PTPRM: variants seen among roughly 807,000 people sequenced by gnomAD.
The protein encoded by PTPRM is protein tyrosine phosphatase receptor type M.
A neutral mutation model predicts 186.7 loss-of-function variants in PTPRM; 47 were observed. The observed-to-expected ratio is 0.25, with a 90% CI of 0.20 to 0.32. The LOEUF (loss-of-function observed/expected upper bound fraction) is 0.32, where lower values mean the gene tolerates loss of function less well. Among genes scored for constraint, PTPRM ranks in the 10% least tolerant of loss-of-function variants. The pLI, the probability that PTPRM is intolerant of heterozygous loss-of-function variation, is 1.00. For synonymous variants in PTPRM, 668 were observed against 674.9 expected, an observed-to-expected ratio of 0.99 and a Z score of 0.16; for missense variants, 1,494 against 1,865.0, an observed-to-expected ratio of 0.80 and a Z score of 3.66.
intron 2 of PTPRM, among the ~76,000 whole-genome samples, chr18:7,813,058 C>A (rs1282243997): frequency 6.6e-6 from 1 of 152,260 alleles, no homozygotes; most frequent in African/African-American, 2.4e-5. Flanking sequence ...CTGTGACTTA[C>A]CTGTGTGCAG....
chr18:8,184,474 G>A (rs144967571), intron 14 of PTPRM, among the ~76,000 whole-genome samples: 1 of 152,292 alleles, frequency 6.6e-6, no homozygotes, highest in East Asian at 1.9e-4. Context: ...TGAGATGAGT[G>A]AGGTTGCACA....
intron 21 of PTPRM, among the ~76,000 whole-genome samples, chr18:8,316,007 C>G (rs2095306629): frequency 6.6e-6 from 1 of 152,176 alleles, no homozygotes; most frequent in Non-Finnish European, 1.5e-5. Context: ...TGCACTTACT[C>G]TTTTAATCAG....
At chr18:8,378,089 A>C (rs2095708104) in intron 26 of PTPRM, 176 bp from the exon 27 acceptor site, 3 of 604,382 alleles carry the variant, frequency 5.0e-6, no homozygotes, top group Admixed American at 6.1e-5. Context: ...GGTTTTAATC[A>C]ATCTGTGTAA....
At chr18:8,186,735 G>T (rs1303729909) in intron 14 of PTPRM, among the ~76,000 whole-genome samples, 1 of 152,176 alleles carries the variant, frequency 6.6e-6, no homozygotes, top group Non-Finnish European at 1.5e-5. Context: ...AGGTGACATG[G>T]GGGAAACTGA....
At chr18:7,922,249 C>T (rs2050909718) in intron 4 of PTPRM, among the ~76,000 whole-genome samples, 1 of 152,188 alleles carries the variant, frequency 6.6e-6, no homozygotes. Context: ...AACAATTCTC[C>T]TACAGTGAGG....
chr18:7,716,112 A>G (rs918455984), intron 1 of PTPRM, among the ~76,000 whole-genome samples: 14 of 152,206 alleles, frequency 9.2e-5, no homozygotes, highest in African/African-American at 3.4e-4. Context: ...TTCAAACTAT[A>G]CTACAAGTCT....
At chr18:7,649,326 G>A (rs1447139528) in intron 1 of PTPRM, among the ~76,000 whole-genome samples, 1 of 152,142 alleles carries the variant, frequency 6.6e-6, no homozygotes, top group African/African-American at 2.4e-5. Context: ...TGCTAACACA[G>A]CATCCATTTT....
At chr18:7,678,665 T>C (rs190102553) in intron 1 of PTPRM, among the ~76,000 whole-genome samples, 75 of 152,332 alleles carry the variant, frequency 4.9e-4, no homozygotes, top group African/African-American at 1.8e-3. Context: ...GAAATGGTAT[T>C]ATGTCATACC....
At chr18:8,334,482 C>T (rs1487654687) in intron 22 of PTPRM, among the ~76,000 whole-genome samples, 3 of 152,308 alleles carry the variant, frequency 2.0e-5, no homozygotes. Context: ...CTTCCTGCCC[C>T]CAGGCTCTCC....
intron 5 of PTPRM, among the ~76,000 whole-genome samples, chr18:7,927,823 C>T (rs2051262918): frequency 6.6e-6 from 1 of 152,192 alleles, no homozygotes; most frequent in African/African-American, 2.4e-5. Context: ...TACCATCTCA[C>T]TCAACCTCCT....
intron 2 of PTPRM, among the ~76,000 whole-genome samples, chr18:7,784,369 G>A (rs1159527252): frequency 1.3e-5 from 2 of 152,060 alleles, no homozygotes; most frequent in African/African-American, 4.8e-5. Context: ...CTCCAAGTAT[G>A]TCGCTCTCTG....
chr18:8,318,262 T>C (rs1205372374), intron 21 of PTPRM, among the ~76,000 whole-genome samples: 1 of 150,850 alleles, frequency 6.6e-6, no homozygotes, highest in African/African-American at 2.4e-5. Flanking sequence ...CAGATACTTA[T>C]CCTACAATTT....
intron 19 of PTPRM, among the ~76,000 whole-genome samples, chr18:8,275,468 G>T (rs368539694): frequency 5.3e-5 from 8 of 152,072 alleles, no homozygotes; most frequent in East Asian, 3.9e-4. Context: ...GACTTCAATG[G>T]TTCCAGGAAA....
At chr18:7,821,734 C>A (rs999577504) in intron 2 of PTPRM, among the ~76,000 whole-genome samples, 5 of 152,160 alleles carry the variant, frequency 3.3e-5, no homozygotes, top group African/African-American at 1.2e-4. Flanking sequence ...ACAAACACTG[C>A]AATACCCCAA....
intron 7 of PTPRM, among the ~76,000 whole-genome samples, chr18:7,990,926 A>T (rs1442389502): frequency 6.6e-6 from 1 of 152,068 alleles, no homozygotes; most frequent in African/African-American, 2.4e-5. Flanking sequence ...TACATGAATG[A>T]TTGCTATAGC....
chr18:7,767,540 T>C (rs1399646697), intron 1 of PTPRM, among the ~76,000 whole-genome samples: 1 of 152,194 alleles, frequency 6.6e-6, no homozygotes, highest in Admixed American at 6.5e-5. Flanking sequence ...ATTTTCTTTA[T>C]AGCTTATGAC....
intron 1 of PTPRM, among the ~76,000 whole-genome samples, chr18:7,580,706 T>A (rs888558477): frequency 2.6e-5 from 4 of 152,174 alleles, no homozygotes; most frequent in African/African-American, 9.7e-5. Flanking sequence ...CAACGGAGAC[T>A]TTGGGAGGTA....
At chr18:8,281,062 T>A (rs566167734) in intron 19 of PTPRM, among the ~76,000 whole-genome samples, 5 of 152,218 alleles carry the variant, frequency 3.3e-5, no homozygotes, top group Non-Finnish European at 7.3e-5. Flanking sequence ...AGCTGAGTTA[T>A]AATGGTTACA....
chr18:7,980,238 A>G (rs767334870), intron 7 of PTPRM, among the ~76,000 whole-genome samples: 112 of 151,458 alleles, frequency 7.4e-4, no homozygotes, highest in Non-Finnish European at 8.0e-4. Flanking sequence ...AATCTCATGT[A>G]CTCTCTTTCC....
Sources: gnomAD v4.1 joint callset for allele counts (sites outside exome capture counted in the v4.1 genomes callset) on GRCh38, gnomAD v4.1.1 for gene constraint, MANE v1.5 for transcripts, NCBI Gene and HGNC (gene_info 2026-07-23, HGNC 2026-07-21) for gene names.